CHAF1A: variants seen among roughly 807,000 people sequenced by gnomAD.
CHAF1A encodes chromatin assembly factor 1 subunit A, also known as CAF-1 subunit A.
Under a neutral mutation model 93.2 loss-of-function variants are expected in CHAF1A, and 5 were observed. The observed-to-expected ratio is 0.05, with a 90% CI of 0.03 to 0.11. The LOEUF is 0.11. Ranked by LOEUF, CHAF1A falls within the 10% of genes least tolerant of loss-of-function variation. The pLI is 1.00. For synonymous variants in CHAF1A, 504 were observed against 510.3 expected (o/e 0.99, Z 0.17); for missense variants, 1,102 against 1,259.9 (o/e 0.87, Z 1.90).
intron 4 of CHAF1A, among the ~76,000 whole-genome samples, chr19:4,418,523 C>A (rs1226398958): frequency 2.0e-5 from 3 of 149,134 alleles, no homozygotes; most frequent in Non-Finnish European, 4.4e-5. Flanking sequence ...TCACGCCATT[C>A]TCCTGGCTCA....
In CHAF1A at chr19:4,422,544, C is replaced by T. The variant is rs1974009113; in HGVS notation, c.1018-22C>T. 3 of 1,553,582 alleles carry T rather than the reference C, an allele frequency of 1.9e-6. No homozygotes were observed. Among genetic ancestry groups the T allele is most frequent in the Non-Finnish European group, 2.6e-6 (3 of 1,147,598 alleles). On this transcript the variant is annotated intron_variant, in intron 4 of 14. Transcript: ENST00000301280. The surrounding 1 kb of genome is among the most constrained non-coding windows in gnomAD (Gnocchi z 4.6). ...GGGAGTTGGAGGGAGGGCCACCTGT[C>T]ACTTGCCACACTGTCTTGTAGGATC...
intron 1 of CHAF1A, among the ~76,000 whole-genome samples, chr19:4,404,308 G>C (rs899542250): frequency 6.6e-6 from 1 of 152,164 alleles, no homozygotes; most frequent in Non-Finnish European, 1.5e-5. Context: ...GGAGTGTCCC[G>C]TTTTATATAC....
At chr19:4,430,693 C>A (rs1974166271) in intron 11 of CHAF1A, 52 bp downstream of exon 11, 1 of 1,601,968 alleles carries the variant, frequency 6.2e-7, no homozygotes, top group Non-Finnish European at 8.5e-7. Flanking sequence ...CATTTCTGGA[C>A]TGGTGCTCAG....
intron 13 of CHAF1A, among the ~76,000 whole-genome samples, chr19:4,440,430 C>A (rs1403090608): frequency 9.9e-5 from 15 of 151,364 alleles, no homozygotes; most frequent in Admixed American, 9.2e-4. Context: ...CATAGTGACA[C>A]CCCCTTGTCT....
rs541116146 is a variant in CHAF1A at position 4,432,975 on chromosome 19, C to A, written c.2204-95C>A. 3.3e-5 allele frequency: 34 copies of A among 1,028,360 alleles called. No individual in the cohort carries two copies. The African/African-American group carries it at 5.2e-4, about 16-fold the overall frequency. The allele number at this position is 1,028,360 out of a possible 1,614,324, so 63.7% of individuals were successfully genotyped here. On this transcript the variant is annotated intron_variant, in intron 12 of 14. Transcript: ENST00000301280. Reference sequence around the variant, plus strand: ...CCGAAGCTGGCCATGCCCCAAGCCTCGGTGGCAATGAGCTTGTGTATGTGT... The same window carrying A: ...CCGAAGCTGGCCATGCCCCAAGCCTAGGTGGCAATGAGCTTGTGTATGTGT...
intron 3 of CHAF1A, among the ~76,000 whole-genome samples, chr19:4,411,933 G>A (rs1045756300): frequency 3.3e-5 from 5 of 152,032 alleles, no homozygotes; most frequent in Non-Finnish European, 5.9e-5. Context: ...ACAGGCATGA[G>A]CCACCGCCCC....
downstream of CHAF1A, chr19:4,448,423 G>C (rs769092781): frequency 1.1e-5 from 18 of 1,600,210 alleles, no homozygotes; most frequent in East Asian, 4.1e-4. Flanking sequence ...GTGCTGGGAG[G>C]AGGGAAGCAG....
At position 4,429,441 on chromosome 19, in the gene CHAF1A, TGTC is replaced by T. The variant is rs1269495227; in HGVS notation, c.1612_1614del (p.Val538del). 4 of 1,613,644 alleles carry T rather than the reference TGTC, an allele frequency of 2.5e-6. No individual in the cohort carries two copies. The highest frequency in any genetic ancestry group is 2.2e-5 in the East Asian group (1 of 44,862). ...AGCCTGGGGTTTTCCTTCTCAGTGA[TGTC>T]GTCATCGTGGAGCGTGGGAAGGGCG... On this transcript the variant is annotated inframe_deletion, in exon 9 of 15. Coordinates refer to ENST00000301280, the MANE Select transcript of CHAF1A (RefSeq NM_005483.3).
Position 4,442,968 on chromosome 19 carries a change from T to C in CHAF1A, c.2814T>C (p.Gly938=). 6.2e-7 allele frequency: 1 copy of C among 1,604,908 alleles called. No individual in the cohort carries two copies. Among genetic ancestry groups the C allele is most frequent in the Non-Finnish European group, 8.5e-7 (1 of 1,176,526 alleles). The change falls in exon 15 of 15, where the codon GGT becomes GGC. Residue 938 remains glycine (G), a synonymous_variant. Transcript: ENST00000301280. ...PCGAASGAGG[G]VGVDTGKATL... is the part of the protein sequence containing the mutation. ...GAGCCGCTTCCGGAGCTGGGGGTGG[T>C]GTGGGGGTGGACACCGGCAAGGCCA...
rs1973603211 is a variant in CHAF1A at position 4,402,681 on chromosome 19, G to C, written c.-82G>C. The C allele has an allele frequency of 5.3e-6, 5 of 937,066 alleles. No individual in the cohort carries two copies. The South Asian group carries it at 2.6e-4, about 49-fold the overall frequency. The allele number at this position is 937,066 out of a possible 1,614,324, so 58.0% of individuals were successfully genotyped here. ...GGCCGCGGCGGCAGCAGCGGCGCGG[G>C]CGGGAGGGCGAAGAGCAGCGGCCGC... is the stretch of plus-strand genomic sequence containing the variant. On this transcript the variant is annotated 5_prime_UTR_variant, in exon 1 of 15. Coordinates refer to ENST00000301280, the MANE Select transcript of CHAF1A (RefSeq NM_005483.3).
At chr19:4,423,711 G>T in intron 6 of CHAF1A, 95 bp from the exon 7 acceptor site, 1 of 1,257,270 alleles carries the variant, frequency 8.0e-7, no homozygotes. Flanking sequence ...AAGCTAAAAT[G>T]CTTGACGTTC....
rs1974195261 is a variant in CHAF1A at position 4,432,139 on chromosome 19, T to C, written c.2135T>C (p.Leu712Pro). Residue 712 changes from leucine to proline, a missense_variant, in exon 12 of 15, where the codon CTG (leucine) becomes CCG (proline). Leu to Pro is a moderately conservative substitution (Grantham distance 98, BLOSUM62 -3). This residue lies in a region of CHAF1A where 335 missense variants were observed against 361.9 expected (regional missense o/e 0.93). Transcript: ENST00000301280. ...CTGCAGCAGTTCGCAGCCTGCTTCCTGGAGACCCTGCCGGCCCAGGAGGAG... is the reference window on the plus strand; with the variant it reads ...CTGCAGCAGTTCGCAGCCTGCTTCCCGGAGACCCTGCCGGCCCAGGAGGAG... ...KVLQQFAACF[L>P]ETLPAQEEQT... is the part of the protein sequence containing the mutation. 6.2e-7 allele frequency: 1 copy of C among 1,613,314 alleles called. No individual in the cohort carries two copies. The highest frequency in any genetic ancestry group is 8.5e-7 in the Non-Finnish European group (1 of 1,179,858).
chr19:4,429,763 G>C lies in CHAF1A; in HGVS notation c.1829G>C (p.Gly610Ala). The C allele has an allele frequency of 6.2e-7, 1 of 1,613,918 alleles. No individual in the cohort carries two copies. Among genetic ancestry groups the C allele is most frequent in the Non-Finnish European group, 8.5e-7 (1 of 1,179,924 alleles). ...GAGGAGTGGGAAGAAGAGGAGCCTGGGGAGTCCCTGTCCCACAGTGAGGGG... is the reference window on the plus strand; with the variant it reads ...GAGGAGTGGGAAGAAGAGGAGCCTGCGGAGTCCCTGTCCCACAGTGAGGGG... ...SDEEWEEEEPGESLSHSEGDD... is the reference protein window; with the variant it reads ...SDEEWEEEEPAESLSHSEGDD... The change falls in exon 10 of 15, where the codon GGG (glycine) becomes GCG (alanine). Residue 610 changes from glycine to alanine, a missense_variant. This residue lies in a region of CHAF1A where 335 missense variants were observed against 361.9 expected (regional missense o/e 0.93). Transcript: ENST00000301280.
chr19:4,421,194 C>T (rs971070286), intron 4 of CHAF1A, among the ~76,000 whole-genome samples: 23 of 152,090 alleles, frequency 1.5e-4, no homozygotes, highest in African/African-American at 5.3e-4. Context: ...GCCTCAGACT[C>T]CTGAGTAGCT....
intron 7 of CHAF1A, among the ~76,000 whole-genome samples, chr19:4,424,469 CTTTA>C (rs1245046699): frequency 2.6e-5 from 4 of 152,004 alleles, no homozygotes; most frequent in East Asian, 3.8e-4. Flanking sequence ...TGTATCTGGC[CTTTA>C]TTTATTTTTT....
chr19:4,432,740 A>G (rs1006968807), intron 12 of CHAF1A, among the ~76,000 whole-genome samples: 5 of 149,138 alleles, frequency 3.4e-5, no homozygotes, highest in Admixed American at 1.4e-4. Context: ...AGCCTGGGTG[A>G]CAGAGCAAGA....
downstream of CHAF1A, chr19:4,446,540 TGAA>T (rs760741166): frequency 8.7e-6 from 14 of 1,612,012 alleles, no homozygotes; most frequent in Middle Eastern, 8.2e-4. Flanking sequence ...GCTGTGAGGT[TGAA>T]GAAGTCCCCA....
At chr19:4,408,005 A>AC (rs1350687433) in intron 2 of CHAF1A, among the ~76,000 whole-genome samples, 4 of 150,482 alleles carry the variant, frequency 2.7e-5, no homozygotes, top group Admixed American at 6.7e-5. Context: ...AAAAGATAGC[A>AC]CCCCCCACCC....
intron 7 of CHAF1A, among the ~76,000 whole-genome samples, chr19:4,425,246 T>C (rs538794584): frequency 6.6e-6 from 1 of 152,240 alleles, no homozygotes; most frequent in Admixed American, 6.5e-5. Context: ...TCTCTTTTTT[T>C]ACAAAAATTA....
Sources: gnomAD v4.1 joint callset for allele counts (sites outside exome capture counted in the v4.1 genomes callset) on GRCh38, gnomAD v4.1.1 for gene constraint, gnomAD v4.1.1 regional missense constraint, Gnocchi (gnomAD v3.1) non-coding constraint, MANE v1.5 for transcripts, NCBI Gene and HGNC (gene_info 2026-07-23, HGNC 2026-07-21) for gene names.